The following PACS1 variants were observed in gnomAD, a reference collection of about 807,000 sequenced individuals.
The protein encoded by PACS1 is phosphofurin acidic cluster sorting protein 1.
A neutral mutation model predicts 115.0 loss-of-function variants in PACS1; 24 were observed. The ratio of observed to expected loss-of-function variants is 0.21; its 90% CI spans 0.15 to 0.29. The LOEUF (loss-of-function observed/expected upper bound fraction) is 0.29, where lower values mean the gene tolerates loss of function less well. Ranked by LOEUF, PACS1 falls within the 10% of genes least tolerant of loss-of-function variation. The pLI is 1.00. For synonymous variants in PACS1, 453 were observed against 504.5 expected (o/e 0.90, Z 1.37); for missense variants, 838 against 1,251.2 (o/e 0.67, Z 4.98).
At chr11:66,144,230 C>T (rs1225777679) in intron 1 of PACS1, among the ~76,000 whole-genome samples, 1 of 152,102 alleles carries the variant, frequency 6.6e-6, no homozygotes, top group Non-Finnish European at 1.5e-5. Flanking sequence ...CTAATAGTAA[C>T]AATAATATGT....
chr11:66,195,776 C>T lies in PACS1; in HGVS notation c.444+2203C>T, dbSNP rs550440014. On this transcript the variant is annotated intron_variant, in intron 2 of 23. Coordinates refer to ENST00000320580, the MANE Select transcript of PACS1 (RefSeq NM_018026.4). ...TATGTGCCAAACATTGTTCTAGGCA[C>T]AGGGGATACAGCAGTGATCAAAACA... Among the ~76,000 whole-genome samples the T allele has an allele frequency of 9.9e-5, 15 of 152,232 alleles. No individual in the cohort carries two copies. The East Asian group carries it at 2.7e-3, about 27-fold the overall frequency.
chr11:66,241,713 A>C, intron 22 of PACS1, 60 bp downstream of exon 22: 29 of 1,343,278 alleles, frequency 2.2e-5, no homozygotes, highest in Non-Finnish European at 3.1e-5. Context: ...CTCGTCTCTC[A>C]GGGCCTGGGA....
chr11:66,202,200 C>A (rs994762893), intron 2 of PACS1, among the ~76,000 whole-genome samples: 1 of 152,054 alleles, frequency 6.6e-6, no homozygotes, highest in African/African-American at 2.4e-5. Context: ...AATTCAAAAC[C>A]TGAATAGACC....
intron 19 of PACS1, chr11:66,238,177 C>T (rs1855741400): frequency 7.1e-6 from 7 of 985,396 alleles, no homozygotes; most frequent in Non-Finnish European, 8.4e-6. Context: ...CCCCCACCCC[C>T]ATTCAGTACA....
At chr11:66,219,592 G>A in intron 7 of PACS1, 154 bp from the exon 8 acceptor site, 1 of 726,014 alleles carries the variant, frequency 1.4e-6, no homozygotes, top group Admixed American at 2.0e-5. Context: ...CTGTCTTCCT[G>A]ACAGGCTTTG....
chr11:66,182,090 A>G (rs1203271176), intron 1 of PACS1, among the ~76,000 whole-genome samples: 2 of 152,214 alleles, frequency 1.3e-5, no homozygotes, highest in African/African-American at 4.8e-5. Context: ...GACTTTTTGT[A>G]TCTGGTTTTA....
intron 1 of PACS1, among the ~76,000 whole-genome samples, chr11:66,077,764 G>A (rs1336997236): frequency 3.4e-5 from 5 of 148,442 alleles, no homozygotes; most frequent in African/African-American, 1.2e-4. Context: ...GTGTAAAGGC[G>A]CAGTCTCGGC....
At chr11:66,196,183 C>CA (rs1854645223) in intron 2 of PACS1, among the ~76,000 whole-genome samples, 1 of 152,200 alleles carries the variant, frequency 6.6e-6, no homozygotes, top group Non-Finnish European at 1.5e-5. Flanking sequence ...CTGTTTGTGC[C>CA]AGTGCACTCC....
intron 1 of PACS1, among the ~76,000 whole-genome samples, chr11:66,181,045 T>C (rs920343524): frequency 1.3e-5 from 2 of 152,150 alleles, no homozygotes; most frequent in Non-Finnish European, 2.9e-5. Flanking sequence ...CCCTTCCTTA[T>C]ATTGTTCTTG....
chr11:66,178,339 G>A (rs1859921626), intron 1 of PACS1, among the ~76,000 whole-genome samples: 1 of 152,064 alleles, frequency 6.6e-6, no homozygotes, highest in African/African-American at 2.4e-5. Flanking sequence ...TCATGTACAT[G>A]GAACCGTACT....
intron 1 of PACS1, among the ~76,000 whole-genome samples, chr11:66,188,399 A>T (rs1033600013): frequency 4.6e-5 from 7 of 152,112 alleles, no homozygotes; most frequent in Non-Finnish European, 8.8e-5. Flanking sequence ...ACAAACACAC[A>T]CACATATATG....
chr11:66,221,537 T>A (rs2067433033), intron 10 of PACS1: 1 of 328,522 alleles, frequency 3.0e-6, no homozygotes, highest in East Asian at 5.9e-5. Flanking sequence ...TCCCAGCTAC[T>A]CAGGAGGATG....
At chr11:66,124,834 G>A (rs1272624114) in intron 1 of PACS1, among the ~76,000 whole-genome samples, 1 of 152,214 alleles carries the variant, frequency 6.6e-6, no homozygotes, top group Non-Finnish European at 1.5e-5. Context: ...TGAGTCCAGT[G>A]CTGGTTAACT....
intron 2 of PACS1, among the ~76,000 whole-genome samples, chr11:66,193,839 T>C (rs936420429): frequency 1.3e-5 from 2 of 152,230 alleles, no homozygotes; most frequent in South Asian, 2.1e-4. Context: ...TCAAGTGATA[T>C]AGATCCTAAA....
At chr11:66,071,261 T>C (rs1857306565) in intron 1 of PACS1, among the ~76,000 whole-genome samples, 1 of 152,230 alleles carries the variant, frequency 6.6e-6, no homozygotes, top group South Asian at 2.1e-4. Context: ...AACTCGATTG[T>C]CACCTCTTGC....
chr11:66,125,821 C>T (rs1182085349), intron 1 of PACS1, among the ~76,000 whole-genome samples: 1 of 152,144 alleles, frequency 6.6e-6, no homozygotes, highest in Non-Finnish European at 1.5e-5. Flanking sequence ...AGGCAGATTA[C>T]TTGAGGTCGG....
intron 1 of PACS1, chr11:66,121,070 A>G (rs1395428105): frequency 4.4e-6 from 2 of 456,226 alleles, no homozygotes; most frequent in Admixed American, 4.7e-5. Flanking sequence ...TACGTTGAGT[A>G]AGTCTGTCGG....
At chr11:66,217,049 G>A (rs1235741292) in intron 7 of PACS1, 1 of 450,790 alleles carries the variant, frequency 2.2e-6, no homozygotes, top group Non-Finnish European at 4.0e-6. Context: ...AACAGATAGT[G>A]GTCCATCAGG....
chr11:66,174,515 C>A (rs1342295637), intron 1 of PACS1, among the ~76,000 whole-genome samples: 3 of 152,154 alleles, frequency 2.0e-5, no homozygotes, highest in African/African-American at 7.2e-5. Flanking sequence ...AAAGTGGAAA[C>A]CACTCAAGTG....
Sources: allele counts gnomAD v4.1 joint callset (sites outside exome capture counted in the v4.1 genomes callset), GRCh38; gene constraint gnomAD v4.1.1; transcripts MANE v1.5; gene names NCBI Gene and HGNC (gene_info 2026-07-23, HGNC 2026-07-21).